Variants in FHIT observed in about 807,000 individuals in gnomAD.
FHIT encodes the protein fragile histidine triad diadenosine triphosphatase.
A neutral mutation model predicts 17.9 loss-of-function variants in FHIT; 19 were observed. The observed-to-expected ratio is 1.06, with a 90% CI of 0.74 to 1.56. FHIT has a LOEUF of 1.56. Ranked by LOEUF, FHIT falls within the 40% of genes most tolerant of loss-of-function variation. The pLI is 0.00. For missense variants in FHIT, 248 were observed against 189.2 expected (o/e 1.31, Z -1.82); for synonymous variants, 81 against 69.7 (o/e 1.16, Z -0.81).
chr3:60,740,837 C>T (rs1285973999), intron 4 of FHIT, among the ~76,000 whole-genome samples: 1 of 152,158 alleles, frequency 6.6e-6, no homozygotes. Context: ...TTAAAATGGC[C>T]ATTTGGGCCA....
intron 3 of FHIT, among the ~76,000 whole-genome samples, chr3:60,860,201 G>A (rs1224575156): frequency 6.0e-4 from 83 of 138,618 alleles, no homozygotes; most frequent in African/African-American, 1.2e-3. Flanking sequence ...TACATCATAT[G>A]TATATATGGT....
At chr3:61,100,285 C>G (rs2035776282) in intron 2 of FHIT, among the ~76,000 whole-genome samples, 1 of 152,138 alleles carries the variant, frequency 6.6e-6, no homozygotes, top group Admixed American at 6.5e-5. Flanking sequence ...TGTTCAATTC[C>G]CACCTATGAG....
chr3:60,872,165 C>T (rs1024529287), intron 3 of FHIT, among the ~76,000 whole-genome samples: 5 of 152,052 alleles, frequency 3.3e-5, no homozygotes, highest in Non-Finnish European at 2.9e-5. Context: ...TGCCATAAGC[C>T]TGCTTTGTTT....
chr3:59,809,070 G>A (rs770644781), intron 8 of FHIT, among the ~76,000 whole-genome samples: 3 of 152,154 alleles, frequency 2.0e-5, no homozygotes, highest in Non-Finnish European at 4.4e-5. Flanking sequence ...TGTGTCTAGG[G>A]CTTAAACTTG....
chr3:60,797,530 C>G (rs1701027679), intron 4 of FHIT, among the ~76,000 whole-genome samples: 1 of 151,400 alleles, frequency 6.6e-6, no homozygotes, highest in African/African-American at 2.4e-5. Flanking sequence ...TTTCTTTCAT[C>G]AGAATCTGCT....
chr3:60,507,843 AG>A (rs1276256185), intron 5 of FHIT, among the ~76,000 whole-genome samples: 1 of 152,186 alleles, frequency 6.6e-6, no homozygotes, highest in African/African-American at 2.4e-5. Flanking sequence ...GTCCTTGTAA[AG>A]GACATGATTT....
chr3:60,753,749 G>T (rs968220164), intron 4 of FHIT, among the ~76,000 whole-genome samples: 3 of 152,086 alleles, frequency 2.0e-5, no homozygotes, highest in African/African-American at 7.2e-5. Flanking sequence ...AATTGAAGAG[G>T]GTGAGGCCAG....
intron 3 of FHIT, among the ~76,000 whole-genome samples, chr3:60,909,726 G>A (rs1307526212): frequency 6.6e-6 from 1 of 152,178 alleles, no homozygotes; most frequent in Non-Finnish European, 1.5e-5. Context: ...AACGGAATGC[G>A]TATTTGTCAT....
At chr3:60,490,808 A>C (rs2034031245) in intron 5 of FHIT, among the ~76,000 whole-genome samples, 1 of 152,160 alleles carries the variant, frequency 6.6e-6, no homozygotes, top group African/African-American at 2.4e-5. Context: ...TTCCCAAAAC[A>C]ACCCTACAGG....
intron 4 of FHIT, among the ~76,000 whole-genome samples, chr3:60,695,375 G>A (rs529192620): frequency 7.9e-5 from 12 of 152,246 alleles, no homozygotes; most frequent in African/African-American, 2.9e-4. Flanking sequence ...CAGCCTGGGC[G>A]ACAGAGTGAG....
chr3:60,352,989 G>A (rs1384588768), intron 5 of FHIT, among the ~76,000 whole-genome samples: 2 of 152,098 alleles, frequency 1.3e-5, no homozygotes, highest in Non-Finnish European at 2.9e-5. Flanking sequence ...AAAACAGGTG[G>A]CTCACTGGAT....
chr3:59,876,283 GATT>G (rs1360228077), intron 8 of FHIT, among the ~76,000 whole-genome samples: 18 of 152,082 alleles, frequency 1.2e-4, no homozygotes, highest in Admixed American at 9.8e-4. Context: ...TCTTAAAAAA[GATT>G]ATTTTTTCCT....
intron 5 of FHIT, among the ~76,000 whole-genome samples, chr3:60,354,224 CATA>C (rs1328117024): frequency 1.3e-5 from 2 of 152,086 alleles, no homozygotes; most frequent in Admixed American, 1.3e-4. Context: ...TACATAAACT[CATA>C]GTAAAAAAGT....
chr3:61,204,998 T>A (rs146919131), intron 1 of FHIT, among the ~76,000 whole-genome samples: 5,496 of 123,756 alleles, frequency 0.044, 128 homozygotes, highest in Middle Eastern at 0.1. Flanking sequence ...CAATCCCCAG[T>A]GTGTGATGTT....
intron 4 of FHIT, among the ~76,000 whole-genome samples, chr3:60,700,175 A>T: frequency 6.6e-6 from 1 of 151,724 alleles, no homozygotes. Context: ...TGTGGTATAT[A>T]AAATAAGTCA....
At chr3:60,690,721 G>A (rs2040967913) in intron 4 of FHIT, 6 of 425,030 alleles carry the variant, frequency 1.4e-5, no homozygotes, top group South Asian at 1.1e-4. Flanking sequence ...GTTGACCATA[G>A]CTGGTAATAC....
At chr3:60,979,880 C>A (rs950352802) in intron 3 of FHIT, among the ~76,000 whole-genome samples, 2 of 152,186 alleles carry the variant, frequency 1.3e-5, no homozygotes, top group African/African-American at 4.8e-5. Context: ...TTATTGTCAG[C>A]TCATCTGTCT....
chr3:60,880,102 C>G (rs1263598884), intron 3 of FHIT, among the ~76,000 whole-genome samples: 1 of 151,966 alleles, frequency 6.6e-6, no homozygotes, highest in Admixed American at 6.6e-5. Context: ...AAGTCAAAGA[C>G]AAAGCAAGAA....
intron 2 of FHIT, among the ~76,000 whole-genome samples, chr3:61,184,052 G>A (rs1462820700): frequency 6.6e-6 from 1 of 151,970 alleles, no homozygotes; most frequent in Non-Finnish European, 1.5e-5. Context: ...TCAGAAAGAT[G>A]AGCACGTGCA....
Sources: allele counts gnomAD v4.1 joint callset (sites outside exome capture counted in the v4.1 genomes callset), GRCh38; gene constraint gnomAD v4.1.1; transcripts MANE v1.5; gene names NCBI Gene and HGNC (gene_info 2026-07-23, HGNC 2026-07-21).